SLC39A11: variants seen among roughly 807,000 people sequenced by gnomAD.
SLC39A11 encodes solute carrier family 39 member 11.
In SLC39A11, 33 loss-of-function variants were observed where a neutral mutation model predicts 36.1. The ratio of observed to expected loss-of-function variants is 0.91; its 90% CI spans 0.69 to 1.22. SLC39A11 has a LOEUF of 1.22. Ranked by LOEUF, SLC39A11 falls within the 50% of genes most tolerant of loss-of-function variation. The probability of loss-of-function intolerance (pLI) is 0.00; values close to 1 mark genes in which losing one functional copy is unlikely to be tolerated. For synonymous variants in SLC39A11, 166 were observed against 170.3 expected, an observed-to-expected ratio of 0.97 and a Z score of 0.20; for missense variants, 432 against 430.3, an observed-to-expected ratio of 1.00 and a Z score of -0.03.
intron 6 of SLC39A11, among the ~76,000 whole-genome samples, chr17:72,843,945 T>C (rs1174791945): frequency 6.6e-6 from 1 of 152,114 alleles, no homozygotes; most frequent in Non-Finnish European, 1.5e-5. Flanking sequence ...CCTTCCATTT[T>C]CCTTCTACTC....
chr17:73,010,757 T>G (rs1390694374), intron 4 of SLC39A11, among the ~76,000 whole-genome samples: 1 of 152,206 alleles, frequency 6.6e-6, no homozygotes, highest in African/African-American at 2.4e-5. Context: ...CAGATTAAGC[T>G]TTTCTTTTTG....
intron 5 of SLC39A11, among the ~76,000 whole-genome samples, chr17:72,891,280 G>C (rs1266705726): frequency 6.6e-6 from 1 of 152,108 alleles, no homozygotes; most frequent in Non-Finnish European, 1.5e-5. Flanking sequence ...AATTAGCTGG[G>C]CGTGGTGGCA....
chr17:72,850,282 C>G (rs1250050860), intron 5 of SLC39A11, among the ~76,000 whole-genome samples: 1 of 151,938 alleles, frequency 6.6e-6, no homozygotes, highest in Non-Finnish European at 1.5e-5. Context: ...AATCCCATCT[C>G]TACAAAAAAT....
chr17:73,041,680 T>C (rs891625640), intron 3 of SLC39A11, among the ~76,000 whole-genome samples: 3 of 152,228 alleles, frequency 2.0e-5, no homozygotes, highest in African/African-American at 2.4e-5. Flanking sequence ...AAGAATCCTA[T>C]GTACAAAAAC....
At chr17:72,966,683 C>A (rs2147992659) in intron 4 of SLC39A11, among the ~76,000 whole-genome samples, 1 of 152,278 alleles carries the variant, frequency 6.6e-6, no homozygotes, top group African/African-American at 2.4e-5. Flanking sequence ...CATTCTCCTT[C>A]CTCAGCCTCC....
At chr17:72,753,841 TCCAGCA>T (rs947166078) in intron 6 of SLC39A11, among the ~76,000 whole-genome samples, 1 of 125,794 alleles carries the variant, frequency 7.9e-6, no homozygotes, top group Non-Finnish European at 1.5e-5. Flanking sequence ...TACCACTGGA[TCCAGCA>T]ATCCCACTAC....
Position 72,927,807 on chromosome 17 carries a change from TACAC to T in SLC39A11, c.430+19941_430+19944del, listed in dbSNP as rs369169261. Among the ~76,000 whole-genome samples the T allele has an allele frequency of 2.6e-5, 4 of 151,148 alleles. No individual in the cohort carries two copies. In the Middle Eastern group the frequency reaches 0.01, roughly 386 times the overall value. The stretch of plus-strand genomic sequence containing the variant: ...TCAGTTCTATTGAGAAGGAAATGTA[TACAC>T]ACACACACACATACACACACACACT... On this transcript the variant is annotated intron_variant, in intron 5 of 9. Coordinates refer to ENST00000255559, the MANE Select transcript of SLC39A11 (RefSeq NM_139177.4).
At chr17:73,008,168 T>G (rs1396260193) in intron 4 of SLC39A11, among the ~76,000 whole-genome samples, 1 of 148,052 alleles carries the variant, frequency 6.8e-6, no homozygotes, top group Admixed American at 6.6e-5. Context: ...TTTTTTTGTT[T>G]TTTTTTTTTT....
intron 6 of SLC39A11, among the ~76,000 whole-genome samples, chr17:72,790,318 A>G (rs2076657530): frequency 6.6e-6 from 1 of 152,052 alleles, no homozygotes; most frequent in South Asian, 2.1e-4. Flanking sequence ...AATACAAACC[A>G]TGTGACCTGG....
intron 7 of SLC39A11, among the ~76,000 whole-genome samples, chr17:72,652,096 G>A (rs1013672707): frequency 2.0e-5 from 3 of 152,214 alleles, no homozygotes; most frequent in Non-Finnish European, 4.4e-5. Context: ...CTCTGACATT[G>A]CAGGTGCAAA....
intron 6 of SLC39A11, among the ~76,000 whole-genome samples, chr17:72,836,280 G>T (rs2078540081): frequency 6.6e-6 from 1 of 151,998 alleles, no homozygotes; most frequent in Admixed American, 6.6e-5. Flanking sequence ...GCTCACCAGT[G>T]AGACACAACA....
At chr17:72,693,936 A>C (rs1453500446) in intron 7 of SLC39A11, among the ~76,000 whole-genome samples, 3 of 152,130 alleles carry the variant, frequency 2.0e-5, no homozygotes, top group Non-Finnish European at 4.4e-5. Flanking sequence ...TGCCGGGACC[A>C]CAGGGGTGAG....
intron 4 of SLC39A11, among the ~76,000 whole-genome samples, chr17:72,983,886 G>T (rs1289209973): frequency 6.6e-6 from 1 of 152,148 alleles, no homozygotes; most frequent in Non-Finnish European, 1.5e-5. Flanking sequence ...TCACCATCTG[G>T]GCAAGGCTCC....
At chr17:72,831,343 C>G (rs779958388) in intron 6 of SLC39A11, among the ~76,000 whole-genome samples, 1 of 152,210 alleles carries the variant, frequency 6.6e-6, no homozygotes, top group Non-Finnish European at 1.5e-5. Flanking sequence ...AGCTGACAAA[C>G]AGTGCTCATA....
In SLC39A11 at chr17:72,651,668, G is replaced by A. The variant is rs116036425; in HGVS notation, c.672-2400C>T. Among the ~76,000 whole-genome samples, 810 of 152,296 alleles carry A rather than the reference G, an allele frequency of 5.3e-3. 8 individuals are homozygous for A. Among genetic ancestry groups the A allele is most frequent in the African/African-American group, 0.018 (766 of 41,566 alleles). ...CTGGCTGGGGGTGGGAAACTGTGAAGAGGGACAAAGCAGCTTCCCCAGGGG... is the reference window on the plus strand; with the variant it reads ...CTGGCTGGGGGTGGGAAACTGTGAAAAGGGACAAAGCAGCTTCCCCAGGGG... On this transcript the variant is annotated intron_variant, in intron 7 of 9. Coordinates refer to ENST00000255559, the MANE Select transcript of SLC39A11 (RefSeq NM_139177.4).
intron 5 of SLC39A11, among the ~76,000 whole-genome samples, chr17:72,861,421 G>T (rs2079975024): frequency 6.6e-6 from 1 of 151,922 alleles, no homozygotes; most frequent in Non-Finnish European, 1.5e-5. Context: ...AATAGTGGAT[G>T]CACTCCTCTC....
chr17:72,874,282 A>G (rs1390815219), intron 5 of SLC39A11, among the ~76,000 whole-genome samples: 1 of 152,098 alleles, frequency 6.6e-6, no homozygotes, highest in African/African-American at 2.4e-5. Flanking sequence ...AGCATAAATG[A>G]TTTTTGCTCC....
At chr17:72,903,275 A>C (rs1398973606) in intron 5 of SLC39A11, among the ~76,000 whole-genome samples, 1 of 151,114 alleles carries the variant, frequency 6.6e-6, no homozygotes, top group Non-Finnish European at 1.5e-5. Context: ...CGAAAAGAAA[A>C]AAAAAAAAAA....
intron 3 of SLC39A11, among the ~76,000 whole-genome samples, chr17:73,081,366 C>T (rs746561598): frequency 6.6e-6 from 1 of 151,980 alleles, no homozygotes; most frequent in Non-Finnish European, 1.5e-5. Context: ...TTTTACACTG[C>T]CAGTGGGAAT....
Sources: gnomAD v4.1 joint callset for allele counts (sites outside exome capture counted in the v4.1 genomes callset) on GRCh38, gnomAD v4.1.1 for gene constraint, MANE v1.5 for transcripts, NCBI Gene and HGNC (gene_info 2026-07-23, HGNC 2026-07-21) for gene names.